Variants in RNF111 observed in about 807,000 individuals in gnomAD.
RNF111 encodes ring finger protein 111.
A neutral mutation model predicts 95.1 loss-of-function variants in RNF111; 17 were observed. That is an observed-to-expected ratio of 0.18 (90% CI 0.12 to 0.27). RNF111 has a LOEUF of 0.27. RNF111 is among the 10% of genes least tolerant of loss of function. The probability of loss-of-function intolerance (pLI) is 1.00; values close to 1 mark genes in which losing one functional copy is unlikely to be tolerated. For synonymous variants in RNF111, 440 were observed against 414.8 expected (o/e 1.06, Z -0.74); for missense variants, 1,189 against 1,210.4 (o/e 0.98, Z 0.26).
Position 59,066,816 on chromosome 15 carries a change from A to G in RNF111, c.1419A>G (p.Ala473=), listed in dbSNP as rs1221011721. Residue 473 remains alanine (A), a synonymous_variant, in exon 6 of 14, where the codon GCA becomes GCG. Coordinates refer to ENST00000348370, the MANE Select transcript of RNF111 (RefSeq NM_017610.8). ...CTGTAACGGAAACTGGCCCTCCTGCAATGCCAAGGTTACCTTCCTGCTGTC... is the reference window on the plus strand; with the variant it reads ...CTGTAACGGAAACTGGCCCTCCTGCGATGCCAAGGTTACCTTCCTGCTGTC... ...SSAVTETGPP[A]MPRLPSCCPQ... 6.2e-7 allele frequency: 1 copy of G among 1,613,980 alleles called. No homozygotes were observed. Among genetic ancestry groups the G allele is most frequent in the African/African-American group, 1.3e-5 (1 of 74,896 alleles).
rs866131484 is a variant in RNF111, at chr15:59,033,505, T to C, written c.880+1803T>C. 4.2e-4 allele frequency among the ~76,000 whole-genome samples: 64 copies of C among 152,308 alleles called. 1 individual carries two copies. In the Middle Eastern group the frequency reaches 0.017, roughly 40 times the overall value. Reference sequence around the variant, plus strand: ...AGAATAAGGGAAATGAGGAGTTGTGTTGCTTAATTGTCACATTTTTCTCAA... The same window carrying C: ...AGAATAAGGGAAATGAGGAGTTGTGCTGCTTAATTGTCACATTTTTCTCAA... On this transcript the variant is annotated intron_variant, in intron 2 of 13. Coordinates refer to ENST00000348370, the MANE Select transcript of RNF111 (RefSeq NM_017610.8).
In RNF111 at chr15:59,095,842, A is replaced by C. The variant is rs571235806; in HGVS notation, c.*942A>C. ...TTGATTTTGTAGACACATTAAGTCA[A>C]GATTTGGAATTTAAGTCACTGGCAG... On this transcript the variant is annotated 3_prime_UTR_variant, in exon 14 of 14. Transcript: ENST00000348370. 1.0e-5 allele frequency: 4 copies of C among 395,546 alleles called. No individual in the cohort carries two copies. The highest frequency in any genetic ancestry group is 1.8e-5 in the Non-Finnish European group (4 of 224,290). The allele number at this position is 395,546 out of a possible 1,614,324, so 24.5% of individuals were successfully genotyped here.
chr15:59,075,985 G>T lies in RNF111; in HGVS notation c.1718G>T (p.Gly573Val). ...TTGCCAGTGGACCTGAGCAACAGTG[G>T]TATCAGAAGTCATGGAAGTGGCAGT... ...QALPVDLSNS[G>V]IRSHGSGSFH... Residue 573 changes from glycine to valine, a missense_variant, in exon 7 of 14, where the codon GGT becomes GTT. Gly to Val is a moderately radical substitution (Grantham distance 109). This residue lies in a region of RNF111 where 1,024 missense variants were observed against 925.9 expected (regional missense o/e 1.11). Coordinates refer to ENST00000348370, the MANE Select transcript of RNF111 (RefSeq NM_017610.8). 6.2e-6 allele frequency: 10 copies of T among 1,614,190 alleles called. No homozygotes were observed. The highest frequency in any genetic ancestry group is 8.5e-6 in the Non-Finnish European group (10 of 1,180,028).
intron 1 of RNF111, among the ~76,000 whole-genome samples, chr15:58,998,654 A>G (rs1454505575): frequency 1.3e-5 from 2 of 152,220 alleles, no homozygotes; most frequent in African/African-American, 2.4e-5. Flanking sequence ...TCAAAAATAA[A>G]TGAAGTGAGC....
At chr15:58,996,645 CTTTCTTTTTTT>C (rs2039085679) in intron 1 of RNF111, among the ~76,000 whole-genome samples, 1 of 77,962 alleles carries the variant, frequency 1.3e-5, no homozygotes, top group South Asian at 4.8e-4. Context: ...CTCATCAGTA[CTTTCTTTTTTT>C]TTTTTTTTTT....
chr15:59,065,489 C>T (rs2042616281), intron 5 of RNF111, among the ~76,000 whole-genome samples: 2 of 152,064 alleles, frequency 1.3e-5, no homozygotes, highest in Non-Finnish European at 2.9e-5. Context: ...AATTTTATTA[C>T]CACATTTTAT....
rs537992705 is a variant in RNF111, at chr15:59,084,539, A to G, written c.2423+285A>G. Among the ~76,000 whole-genome samples, 32 of 152,316 alleles carry G rather than the reference A, an allele frequency of 2.1e-4. No homozygotes were observed. The East Asian group carries it at 5.2e-3, about 25-fold the overall frequency. Reference sequence around the variant, plus strand: ...TTTGGAGGTACAGCATAGTATTTCAATACATACATACATTGTGAAATGATT... The same window carrying G: ...TTTGGAGGTACAGCATAGTATTTCAGTACATACATACATTGTGAAATGATT... On this transcript the variant is annotated intron_variant, in intron 9 of 13. Coordinates refer to ENST00000348370, the MANE Select transcript of RNF111 (RefSeq NM_017610.8).
intron 13 of RNF111, among the ~76,000 whole-genome samples, chr15:59,094,462 T>G (rs2079139729): frequency 6.6e-6 from 1 of 152,216 alleles, no homozygotes; most frequent in South Asian, 2.1e-4. Context: ...TGCAATATTA[T>G]GTGACAGGTA....
At position 59,009,396 on chromosome 15, in the gene RNF111, T is replaced by TA. The variant is rs559777322; in HGVS notation, c.-20+21328_-20+21329insA. ...GAAGATGCTAGTAGAACCCACTTTA[T>TA]TCCATTGTGCTTTTTACAAGTGACC... On this transcript the variant is annotated intron_variant, in intron 1 of 13. Coordinates refer to ENST00000348370, the MANE Select transcript of RNF111 (RefSeq NM_017610.8). 2.0e-4 allele frequency among the ~76,000 whole-genome samples: 31 copies of TA among 152,154 alleles called. No homozygotes were observed. The East Asian group carries it at 3.7e-3, about 18-fold the overall frequency.
chr15:59,017,751 CTCTTTTTT>C (rs746606068), intron 1 of RNF111, among the ~76,000 whole-genome samples: 1 of 116,402 alleles, frequency 8.6e-6, no homozygotes, highest in African/African-American at 3.6e-5. Context: ...ATTTGTTGAA[CTCTTTTTT>C]TTTTTTTTTT....
intron 4 of RNF111, among the ~76,000 whole-genome samples, chr15:59,056,871 C>G (rs1186513722): frequency 2.6e-5 from 4 of 152,120 alleles, no homozygotes; most frequent in Admixed American, 1.3e-4. Flanking sequence ...GTGACACCTG[C>G]TAGCCAGTAA....
In RNF111 at chr15:59,091,899, G is replaced by A. The variant is rs555424149; in HGVS notation, c.2740-638G>A. Among the ~76,000 whole-genome samples the A allele has an allele frequency of 1.3e-3, 191 of 152,260 alleles. 3 individuals are homozygous for A. In the Middle Eastern group the frequency reaches 0.014, roughly 11 times the overall value. ...ATGCACAGTTTACAATAGGGTTCAC[G>A]CTTCTATGAGAATCTATCGCTGCTG... On this transcript the variant is annotated intron_variant, in intron 12 of 13. Transcript: ENST00000348370.
rs780247073 is a variant in RNF111, at chr15:59,085,782, A to C, written c.2547A>C (p.Leu849Phe). ...LHHLQLGALP[L>F]MVPDMAGYPH... ...ACTTACAATTAGGAGCTCTTCCTTT[A>C]ATGGTAAAATGGAAAATTTTCAAAA... is the stretch of plus-strand genomic sequence containing the variant. The change falls in exon 10 of 14, where the codon TTA becomes TTC. Residue 849 changes from leucine to phenylalanine, a missense_variant. By Grantham distance (22) the Leu-to-Phe change is conservative. Around this residue, in one of 2 missense-constraint regions of RNF111, gnomAD observed 165 missense variants for 284.6 expected, o/e 0.58. Coordinates refer to ENST00000348370, the MANE Select transcript of RNF111 (RefSeq NM_017610.8). 1 of 1,610,898 alleles carries C rather than the reference A, an allele frequency of 6.2e-7. No individual in the cohort carries two copies. The highest frequency in any genetic ancestry group is 1.1e-5 in the South Asian group (1 of 90,440).
intron 2 of RNF111, among the ~76,000 whole-genome samples, chr15:59,042,387 A>G (rs2141874053): frequency 6.6e-6 from 1 of 152,248 alleles, no homozygotes; most frequent in South Asian, 2.1e-4. Context: ...CGGCCTCACA[A>G]GGTGCTGGGA....
chr15:59,013,910 T>C (rs1263923243), intron 1 of RNF111, among the ~76,000 whole-genome samples: 2 of 152,078 alleles, frequency 1.3e-5, no homozygotes, highest in African/African-American at 4.8e-5. Context: ...TGCCTCAGCG[T>C]CCCGAGTAGC....
intron 5 of RNF111, 130 bp from the exon 6 acceptor site, chr15:59,066,634 C>T (rs2042668674): frequency 1.3e-6 from 1 of 773,186 alleles, no homozygotes; most frequent in Non-Finnish European, 2.0e-6. Flanking sequence ...GTGGCACTAT[C>T]ACATTATTTA....
intron 10 of RNF111, among the ~76,000 whole-genome samples, chr15:59,087,904 G>A (rs147575369): frequency 6.6e-6 from 1 of 152,134 alleles, no homozygotes; most frequent in Non-Finnish European, 1.5e-5. Flanking sequence ...TTGGTCTTTT[G>A]TGTCAGAATG....
chr15:59,028,259 G>A (rs1211983158), intron 1 of RNF111, among the ~76,000 whole-genome samples: 1 of 152,108 alleles, frequency 6.6e-6, no homozygotes, highest in Non-Finnish European at 1.5e-5. Context: ...CTTTTTGACT[G>A]GTTTCTTTTA....
chr15:59,074,812 T>C (rs867545981), intron 6 of RNF111, among the ~76,000 whole-genome samples: 10 of 152,338 alleles, frequency 6.6e-5, no homozygotes, highest in African/African-American at 2.4e-4. Flanking sequence ...TCTCTGGGCT[T>C]TTGACATGCC....
Sources: allele counts gnomAD v4.1 joint callset (sites outside exome capture counted in the v4.1 genomes callset), GRCh38; gene constraint gnomAD v4.1.1; regional missense constraint gnomAD v4.1.1; transcripts MANE v1.5; gene names NCBI Gene and HGNC (gene_info 2026-07-23, HGNC 2026-07-21).